Variants in BIRC6 observed in about 807,000 individuals in gnomAD.
BIRC6 encodes baculoviral IAP repeat containing 6.
Under a neutral mutation model 503.3 loss-of-function variants are expected in BIRC6, and 98 were observed. The observed-to-expected ratio is 0.19, with a 90% CI of 0.17 to 0.23. BIRC6 has a LOEUF of 0.23. Ranked by LOEUF, BIRC6 falls within the 10% of genes least tolerant of loss-of-function variation. The pLI is 1.00. For missense variants in BIRC6, 5,360 were observed against 5,806.0 expected (o/e 0.92, Z 2.50); for synonymous variants, 2,240 against 2,078.7 (o/e 1.08, Z -2.11).
chr2:32,445,666 A>G lies in BIRC6; in HGVS notation c.4482A>G (p.Thr1494=). 6.5e-7 allele frequency: 1 copy of G among 1,538,582 alleles called. No individual in the cohort carries two copies. Among genetic ancestry groups the G allele is most frequent in the Non-Finnish European group, 8.8e-7 (1 of 1,141,410 alleles). ...RLTPMEALLQ[T]RYGLYSSPFD... ...CACCAATGGAGGCTTTACTTCAGAC[A>G]AGGTATTTTAGTATATCTAATGACT... Residue 1494 remains threonine, a splice_region_variant and synonymous_variant, in exon 21 of 74, where the codon ACA becomes ACG. Transcript: ENST00000421745.
chr2:32,539,515 A>G (rs1290263520), intron 61 of BIRC6, among the ~76,000 whole-genome samples: 1 of 152,214 alleles, frequency 6.6e-6, no homozygotes, highest in Non-Finnish European at 1.5e-5. Flanking sequence ...TTGGAAACCA[A>G]TAGCGGTAAG....
At position 32,513,074 on chromosome 2, in the gene BIRC6, T is replaced by C; in HGVS notation, c.10488T>C (p.Cys3496=). The change falls in exon 54 of 74, where the codon TGT becomes TGC. Residue 3496 remains cysteine, a synonymous_variant. Transcript: ENST00000421745. ...TGCCATCTCCTTCTCATTTGCACTG[T>C]GTAGCAGCCATTCTGTGGCATAGTT... The part of the protein sequence containing the change: ...LLMPSPSHLH[C]VAAILWHSYE... The C allele has an allele frequency of 6.2e-7, 1 of 1,613,952 alleles. No individual in the cohort carries two copies. The highest frequency in any genetic ancestry group is 8.5e-7 in the Non-Finnish European group (1 of 1,179,848).
At chr2:32,491,653 A>T (rs1393715535) in intron 44 of BIRC6, 95 bp downstream of exon 44, 1 of 1,278,890 alleles carries the variant, frequency 7.8e-7, no homozygotes, top group African/African-American at 1.5e-5. Context: ...TAAAGTATTA[A>T]ATAATAGCCT....
rs965811068 is a variant in BIRC6 at position 32,490,272 on chromosome 2, A to C, written c.8206+121A>C. ...TTGTCAAAGTGGTTGAGTTGGCCAG[A>C]TGTGGTGGCTCACGCCTGTAAACCC... is the stretch of plus-strand genomic sequence containing the variant. On this transcript the variant is annotated intron_variant, in intron 43 of 73. Transcript: ENST00000421745. 24 of 848,924 alleles carry C rather than the reference A, an allele frequency of 2.8e-5. No individual in the cohort carries two copies. In the African/African-American group the frequency reaches 3.3e-4, roughly 12 times the overall value. 52.6% of individuals were successfully genotyped at this position (848,924 alleles called of 1,614,324 possible). A position where few individuals can be genotyped will look rare whatever the true frequency, so the allele number is the denominator to read the frequency against.
intron 6 of BIRC6, among the ~76,000 whole-genome samples, chr2:32,400,653 TA>T (rs892833829): frequency 5.3e-5 from 8 of 152,164 alleles, no homozygotes; most frequent in African/African-American, 1.4e-4. Flanking sequence ...AGATCTTTAC[TA>T]AAAAACTTTT....
chr2:32,415,249 T>C lies in BIRC6; in HGVS notation c.1958T>C (p.Met653Thr), dbSNP rs764982277. ...ATCTTTTCACAGATGAACAATATTA[T>C]GAGTAAAAGTTTGCATGATGATGGT... is the stretch of plus-strand genomic sequence containing the variant. ...GKIFSQMNNI[M>T]SKSLHDDGFT... Residue 653 changes from methionine (M) to threonine (T), a missense_variant, in exon 10 of 74, where the codon ATG becomes ACG. This residue lies in a region of BIRC6 where 700 missense variants were observed against 739.3 expected (regional missense o/e 0.95). Coordinates refer to ENST00000421745, the MANE Select transcript of BIRC6 (RefSeq NM_016252.4). 2 of 1,613,990 alleles carry C rather than the reference T, an allele frequency of 1.2e-6. No individual in the cohort carries two copies. The highest frequency in any genetic ancestry group is 1.7e-6 in the Non-Finnish European group (2 of 1,179,842).
At chr2:32,436,818 C>T (rs2044761396) in intron 15 of BIRC6, among the ~76,000 whole-genome samples, 1 of 151,960 alleles carries the variant, frequency 6.6e-6, no homozygotes, top group African/African-American at 2.4e-5. Flanking sequence ...CCCACCTTGG[C>T]CTCCCAAAGT....
intron 15 of BIRC6, among the ~76,000 whole-genome samples, chr2:32,438,726 A>AT (rs201890677): frequency 6.6e-6 from 1 of 150,740 alleles, no homozygotes; most frequent in African/African-American, 2.4e-5. Flanking sequence ...CGCCCCACTA[A>AT]TTTTTTTTTG....
chr2:32,399,677 A>G (rs1218813799), intron 6 of BIRC6, among the ~76,000 whole-genome samples: 1 of 152,232 alleles, frequency 6.6e-6, no homozygotes, highest in Non-Finnish European at 1.5e-5. Context: ...AGTTGAGCAG[A>G]TAGGTGCTAA....
At chr2:32,484,461 A>G (rs1049600157) in intron 39 of BIRC6, among the ~76,000 whole-genome samples, 2 of 151,170 alleles carry the variant, frequency 1.3e-5, no homozygotes, top group African/African-American at 2.4e-5. Context: ...CTGAGGTAGG[A>G]GAATTGCTAT....
chr2:32,429,915 C>T (rs1426729888), intron 11 of BIRC6, among the ~76,000 whole-genome samples: 1 of 151,990 alleles, frequency 6.6e-6, no homozygotes, highest in Non-Finnish European at 1.5e-5. Context: ...TGAATATTCT[C>T]ATATTTTATA....
chr2:32,357,159 C>G lies in BIRC6; in HGVS notation c.-3C>G. On this transcript the variant is annotated 5_prime_UTR_variant, in exon 1 of 74. Transcript: ENST00000421745. The surrounding 1 kb of genome is among the most constrained non-coding windows in gnomAD (Gnocchi z 4.9). ...ACGCGCTCGGCTTGCCCCCTGGCCC[C>G]GGATGGTGACTGGTGGTGGTGCTGC... 1 of 1,506,628 alleles carries G rather than the reference C, an allele frequency of 6.6e-7. No homozygotes were observed. The allele number at this position is 1,506,628 out of a possible 1,614,324, so 93.3% of individuals were successfully genotyped here.
In BIRC6 at chr2:32,470,221, T is replaced by C; in HGVS notation, c.6401T>C (p.Val2134Ala). ...IGQRSLSNSG[V>A]LESLLNLLDN... ...CAAAGATCACTTAGTAATAGTGGAGTATTAGAAAGCTTACTTAATCTCTTG... is the reference window on the plus strand; with the variant it reads ...CAAAGATCACTTAGTAATAGTGGAGCATTAGAAAGCTTACTTAATCTCTTG... Residue 2134 changes from valine (V) to alanine (A), a missense_variant, in exon 31 of 74, where the codon GTA becomes GCA. By Grantham distance (64) the Val-to-Ala change is moderately conservative. Around this residue, in one of 16 missense-constraint regions of BIRC6, gnomAD observed 2,299 missense variants for 2,267.2 expected, o/e 1.01. Coordinates refer to ENST00000421745, the MANE Select transcript of BIRC6 (RefSeq NM_016252.4). The C allele has an allele frequency of 6.4e-7, 1 of 1,573,164 alleles. No individual in the cohort carries two copies. The highest frequency in any genetic ancestry group is 8.6e-7 in the Non-Finnish European group (1 of 1,157,190).
At chr2:32,571,923 G>A (rs777659924) in intron 65 of BIRC6, among the ~76,000 whole-genome samples, 47 of 151,898 alleles carry the variant, frequency 3.1e-4, no homozygotes, top group Admixed American at 2.7e-3. Context: ...CTGATGTTGC[G>A]TTTCATTTTC....
Position 32,597,943 on chromosome 2 carries a change from A to T in BIRC6, c.13805A>T (p.Asp4602Val). 1.2e-6 allele frequency: 2 copies of T among 1,612,890 alleles called. No individual in the cohort carries two copies. The highest frequency in any genetic ancestry group is 1.7e-6 in the Non-Finnish European group (2 of 1,179,826). Residue 4602 changes from aspartate (D) to valine (V), a missense_variant, in exon 69 of 74, where the codon GAT becomes GTT. Around this residue, in one of 16 missense-constraint regions of BIRC6, gnomAD observed 66 missense variants for 113.2 expected, o/e 0.58. Transcript: ENST00000421745. The stretch of plus-strand genomic sequence containing the variant: ...TCCTCTAGTGTGTTTGTACGCTGTG[A>T]TGAGGAGCGACTTGATATCATGAAG... ...SSSSSVFVRC[D>V]EERLDIMKVL...
At chr2:32,393,435 A>G (rs1264255021) in intron 5 of BIRC6, among the ~76,000 whole-genome samples, 2 of 152,208 alleles carry the variant, frequency 1.3e-5, no homozygotes, top group Non-Finnish European at 2.9e-5. Flanking sequence ...GTGGCTTACC[A>G]CTGTTACCAC....
intron 4 of BIRC6, among the ~76,000 whole-genome samples, chr2:32,389,218 C>T (rs1184840326): frequency 6.6e-6 from 1 of 151,910 alleles, no homozygotes; most frequent in African/African-American, 2.4e-5. Context: ...CAGTTTAGTA[C>T]TTGCTTAGTA....
chr2:32,479,398 G>T, intron 36 of BIRC6, 64 bp from the exon 37 acceptor site: 1 of 1,441,278 alleles, frequency 6.9e-7, no homozygotes, highest in Non-Finnish European at 9.5e-7. Context: ...GGAAAAAAAT[G>T]TGCTGTAATA....
At chr2:32,449,979 A>T (rs1421744380) in intron 22 of BIRC6, among the ~76,000 whole-genome samples, 1 of 152,202 alleles carries the variant, frequency 6.6e-6, no homozygotes, top group Non-Finnish European at 1.5e-5. Flanking sequence ...TATCCAAGTG[A>T]TGCATCAATT....
Sources: gnomAD v4.1 joint callset for allele counts (sites outside exome capture counted in the v4.1 genomes callset) on GRCh38, gnomAD v4.1.1 for gene constraint, gnomAD v4.1.1 regional missense constraint, Gnocchi (gnomAD v3.1) non-coding constraint, MANE v1.5 for transcripts, NCBI Gene and HGNC (gene_info 2026-07-23, HGNC 2026-07-21) for gene names.